POLR1E: variants seen among roughly 807,000 people sequenced by gnomAD.
POLR1E encodes the protein DNA-directed RNA polymerase I subunit RPA49.
Under a neutral mutation model 50.9 loss-of-function variants are expected in POLR1E, and 37 were observed. The ratio of observed to expected loss-of-function variants is 0.73; its 90% confidence interval spans 0.56 to 0.96. The LOEUF (loss-of-function observed/expected upper bound fraction) is 0.96, where lower values mean the gene tolerates loss of function less well. Ranked by LOEUF, POLR1E falls within the 40% of genes least tolerant of loss-of-function variation. The pLI, the probability that POLR1E is intolerant of heterozygous loss-of-function variation, is 0.00. For synonymous variants in POLR1E, 166 were observed against 191.6 expected, an observed-to-expected ratio of 0.87 and a Z score of 1.10; for missense variants, 426 against 518.1, an observed-to-expected ratio of 0.82 and a Z score of 1.73.
chr9:37,494,132 A>C (rs1454001656), intron 6 of POLR1E, among the ~76,000 whole-genome samples: 1 of 152,220 alleles, frequency 6.6e-6, no homozygotes, highest in Non-Finnish European at 1.5e-5. Context: ...TGGAGTATTT[A>C]ATTGTATTAT....
chr9:37,495,118 G>C, intron 6 of POLR1E, 51 bp from the exon 7 acceptor site: 1 of 1,437,024 alleles, frequency 7.0e-7, no homozygotes, highest in Non-Finnish European at 9.8e-7. Flanking sequence ...AAGAATGTTG[G>C]GGAACTGGAA....
rs1402595331 is a variant in POLR1E at position 37,500,859 on chromosome 9, TC to T, written c.910del (p.His304ThrfsTer8). 2 of 1,613,742 alleles carry T rather than the reference TC, an allele frequency of 1.2e-6. No individual in the cohort carries two copies. The highest frequency in any genetic ancestry group is 1.7e-6 in the Non-Finnish European group (2 of 1,179,648). ...TTGTAGGTGCTCTGGGACCTGGAGTTCCCCACATCATCAACACCAAACTGCT... is the reference window on the plus strand; with the variant it reads ...TTGTAGGTGCTCTGGGACCTGGAGTTCCCACATCATCAACACCAAACTGCT... ...KRKSALGPGV[P>X]HIINTKLLKH... On this transcript the variant is annotated frameshift_variant, in exon 10 of 12. Transcript: ENST00000377798. LOFTEE classifies it high-confidence loss of function.
intron 7 of POLR1E, 45 bp from the exon 8 acceptor site, chr9:37,495,845 G>T: frequency 7.2e-7 from 1 of 1,386,220 alleles, no homozygotes; most frequent in South Asian, 1.2e-5. Context: ...CTAGCTAGTT[G>T]GATGTTTCTA....
chr9:37,487,484 T>G (rs1159811316), intron 2 of POLR1E, among the ~76,000 whole-genome samples: 1 of 152,118 alleles, frequency 6.6e-6, no homozygotes, highest in Non-Finnish European at 1.5e-5. Flanking sequence ...GGGGAGTGAA[T>G]CAGCCATGGT....
At chr9:37,499,025 C>T (rs1215624557) in intron 9 of POLR1E, among the ~76,000 whole-genome samples, 1 of 152,168 alleles carries the variant, frequency 6.6e-6, no homozygotes, top group African/African-American at 2.4e-5. Flanking sequence ...GGCTGCAAAC[C>T]TATACAGCAT....
chr9:37,494,314 G>A (rs921662483), intron 6 of POLR1E, among the ~76,000 whole-genome samples: 3 of 152,156 alleles, frequency 2.0e-5, no homozygotes, highest in Admixed American at 6.5e-5. Flanking sequence ...AGGTAGCTAG[G>A]ATTATAGGCG....
At chr9:37,500,426 C>G (rs35459704) in intron 9 of POLR1E, among the ~76,000 whole-genome samples, 3,511 of 152,336 alleles carry the variant, frequency 0.023, 121 homozygotes, top group African/African-American at 0.08. Context: ...CTCAGGTGTT[C>G]TGCCTGCCTC....
chr9:37,502,963 G>T, intron 11 of POLR1E, 80 bp from the exon 12 acceptor site: 2 of 1,387,650 alleles, frequency 1.4e-6, no homozygotes. Context: ...GAGCATGAAT[G>T]TGCTGCTACC....
chr9:37,490,648 C>G (rs1820667681), intron 4 of POLR1E: 2 of 724,632 alleles, frequency 2.8e-6, no homozygotes, highest in Non-Finnish European at 2.5e-6. Flanking sequence ...ATTCTCTTGG[C>G]AAGAATCTTG....
intron 4 of POLR1E, chr9:37,490,537 CT>C: frequency 2.7e-6 from 2 of 753,292 alleles, no homozygotes; most frequent in Middle Eastern, 3.6e-4. Flanking sequence ...ACCCAGGTAC[CT>C]TTCTCTTTTG....
chr9:37,486,707 G>A lies in POLR1E; in HGVS notation c.81G>A (p.Gln27=). 1 of 1,614,216 alleles carries A rather than the reference G, an allele frequency of 6.2e-7. No homozygotes were observed. The highest frequency in any genetic ancestry group is 8.5e-7 in the Non-Finnish European group (1 of 1,180,042). ...PDGSQRAVLV[Q]FSNGKLQSPG... is the part of the protein sequence containing the mutation. ...TCTTGGGCTGCACTCTTACAGTCCA[G>A]TTCTCCAACGGGAAGCTACAGAGTC... The change falls in exon 2 of 12, where the codon CAG becomes CAA. Residue 27 remains glutamine (Q), a synonymous_variant. Coordinates refer to ENST00000377798, the MANE Select transcript of POLR1E (RefSeq NM_022490.4).
In POLR1E at chr9:37,485,971, T is replaced by G; in HGVS notation, c.-77T>G. ...GCCTTTTCCGGCCCGCAGCGCGGCCTGGGCTCCCGCGTGTTTAAAAGTGCG... is the reference window on the plus strand; with the variant it reads ...GCCTTTTCCGGCCCGCAGCGCGGCCGGGGCTCCCGCGTGTTTAAAAGTGCG... On this transcript the variant is annotated 5_prime_UTR_variant, in exon 1 of 12. Coordinates refer to ENST00000377798, the MANE Select transcript of POLR1E (RefSeq NM_022490.4). 6.5e-7 allele frequency: 1 copy of G among 1,535,380 alleles called. No individual in the cohort carries two copies. Among genetic ancestry groups the G allele is most frequent in the Non-Finnish European group, 8.8e-7 (1 of 1,132,160 alleles).
At chr9:37,490,404 C>T in intron 4 of POLR1E, 1 of 738,642 alleles carries the variant, frequency 1.4e-6, no homozygotes, top group South Asian at 1.4e-5. Context: ...AGAGGTCTTT[C>T]ATTTTTTAAA....
At chr9:37,498,253 A>G (rs372666746) in intron 9 of POLR1E, 29 bp downstream of exon 9, 1 of 1,593,476 alleles carries the variant, frequency 6.3e-7, no homozygotes, top group East Asian at 2.2e-5. Context: ...TTTTATTCTA[A>G]TTGTTTCCAG....
chr9:37,492,577 A>G, intron 4 of POLR1E, 80 bp from the exon 5 acceptor site: 7 of 1,305,450 alleles, frequency 5.4e-6, no homozygotes, highest in Non-Finnish European at 7.7e-6. Flanking sequence ...TTAGATAGAC[A>G]AATGAATATT....
intron 7 of POLR1E, 141 bp from the exon 8 acceptor site, chr9:37,495,749 T>A: frequency 1.6e-6 from 1 of 613,120 alleles, no homozygotes; most frequent in East Asian, 2.7e-5. Context: ...GTCACCAAGC[T>A]CTGCCCCTAT....
rs1286570173 is a variant in POLR1E, at chr9:37,500,845, C to G, written c.892C>G (p.Leu298Val). Reference protein sequence around the residue: ...AHRVVKRKSALGPGVPHIINT... With the variant: ...AHRVVKRKSAVGPGVPHIINT... ...AACTCAACTTTGTGTTGTAGGTGCT[C>G]TGGGACCTGGAGTTCCCCACATCAT... The change falls in exon 10 of 12, where the codon CTG (leucine) becomes GTG (valine). Residue 298 changes from leucine to valine, a missense_variant. Coordinates refer to ENST00000377798, the MANE Select transcript of POLR1E (RefSeq NM_022490.4). The G allele has an allele frequency of 1.2e-6, 2 of 1,612,714 alleles. No individual in the cohort carries two copies. The highest frequency in any genetic ancestry group is 4.5e-5 in the East Asian group (2 of 44,874).
At chr9:37,487,317 G>T (rs927337487) in intron 2 of POLR1E, among the ~76,000 whole-genome samples, 6 of 152,202 alleles carry the variant, frequency 3.9e-5, no homozygotes, top group Non-Finnish European at 8.8e-5. Context: ...GAGCTCAGTG[G>T]GAGGAGAGGT....
chr9:37,489,605 A>G (rs957190474), intron 4 of POLR1E, among the ~76,000 whole-genome samples: 5 of 151,616 alleles, frequency 3.3e-5, no homozygotes, highest in Admixed American at 3.3e-4. Flanking sequence ...ATGCAGTCCC[A>G]CTCTGTCACC....
Sources: gnomAD v4.1 joint callset for allele counts (sites outside exome capture counted in the v4.1 genomes callset) on GRCh38, gnomAD v4.1.1 for gene constraint, MANE v1.5 for transcripts, NCBI Gene and HGNC (gene_info 2026-07-23, HGNC 2026-07-21) for gene names.